The following PKHD1 variants were observed in gnomAD, a reference collection of about 807,000 sequenced individuals.
The protein encoded by PKHD1 is fibrocystin.
In PKHD1, 291 loss-of-function variants were observed where a neutral mutation model predicts 412.0. The observed-to-expected ratio is 0.71, with a 90% CI of 0.64 to 0.78. The LOEUF is 0.78. Ranked by LOEUF, PKHD1 falls within the 30% of genes least tolerant of loss-of-function variation. PKHD1 has a pLI of 0.00. For missense variants in PKHD1, 4,825 were observed against 4,950.7 expected (o/e 0.97, Z 0.76); for synonymous variants, 1,777 against 1,821.5 (o/e 0.98, Z 0.62).
chr6:51,728,691 G>A (rs899771639), intron 60 of PKHD1, among the ~76,000 whole-genome samples: 1 of 152,200 alleles, frequency 6.6e-6, no homozygotes, highest in African/African-American at 2.4e-5. Context: ...ATCTGAAGCA[G>A]AGAAAATAGC....
chr6:51,905,081 A>C (rs1009539865), intron 41 of PKHD1, among the ~76,000 whole-genome samples: 6 of 152,208 alleles, frequency 3.9e-5, no homozygotes, highest in African/African-American at 1.4e-4. Flanking sequence ...TATAGCTTTT[A>C]TCTCAACAGA....
Position 52,050,231 on chromosome 6 carries a change from C to T in PKHD1, c.2205G>A (p.Val735=), listed in dbSNP as rs368992678. ...TGACACTGTAGACCGGAGGGGATCCCACCACAGAGACTGATTCCACCAGAT... is the reference window on the plus strand; with the variant it reads ...TGACACTGTAGACCGGAGGGGATCCTACCACAGAGACTGATTCCACCAGAT... ...GGNLVESVSV[V]GSPPVYSVTS... The change falls in exon 22 of 67, where the codon GTG becomes GTA. Residue 735 remains valine (V), a synonymous_variant. Coordinates refer to ENST00000371117, the MANE Select transcript of PKHD1 (RefSeq NM_138694.4). 1.9e-6 allele frequency: 3 copies of T among 1,614,176 alleles called. No individual in the cohort carries two copies. The highest frequency in any genetic ancestry group is 1.7e-6 in the Non-Finnish European group (2 of 1,179,994).
At chr6:51,764,897 T>C in intron 55 of PKHD1, among the ~76,000 whole-genome samples, 1 of 152,036 alleles carries the variant, frequency 6.6e-6, no homozygotes, top group East Asian at 1.9e-4. Flanking sequence ...ATCTAAAAAG[T>C]TAGAATGCCC....
intron 52 of PKHD1, among the ~76,000 whole-genome samples, chr6:51,798,477 T>C (rs1794932351): frequency 6.6e-6 from 1 of 152,220 alleles, no homozygotes; most frequent in Non-Finnish European, 1.5e-5. Flanking sequence ...CTTACAGTGC[T>C]TCCATTAAGA....
At chr6:51,965,181 G>T (rs181792350) in intron 35 of PKHD1, among the ~76,000 whole-genome samples, 9 of 152,120 alleles carry the variant, frequency 5.9e-5, no homozygotes, top group South Asian at 2.1e-4. Flanking sequence ...TGTTCTTAAG[G>T]TACTTATATT....
At chr6:52,007,725 TC>T (rs1371018229) in intron 35 of PKHD1, among the ~76,000 whole-genome samples, 2 of 152,174 alleles carry the variant, frequency 1.3e-5, no homozygotes, top group Non-Finnish European at 2.9e-5. Context: ...AGTTCCTAAA[TC>T]AAACCAAACC....
rs957436564 is a variant in PKHD1 at position 51,724,478 on chromosome 6, G to A, written c.10156+19907C>T. The stretch of plus-strand genomic sequence containing the variant: ...ACACACATTAATAAATTTGCATGCC[G>A]TTTGTCCTGTTGATCTATTTATTGT... On this transcript the variant is annotated intron_variant, in intron 60 of 66. Coordinates refer to ENST00000371117, the MANE Select transcript of PKHD1 (RefSeq NM_138694.4). 9.9e-5 allele frequency among the ~76,000 whole-genome samples: 15 copies of A among 152,172 alleles called. No individual in the cohort carries two copies. The South Asian group carries it at 1.5e-3, about 15-fold the overall frequency.
At position 51,627,045 on chromosome 6, in the gene PKHD1, G is replaced by A. The variant is rs151198392; in HGVS notation, c.11737C>T (p.Arg3913Cys). The change falls in exon 66 of 67, where the codon CGC (arginine) becomes TGC (cysteine). Residue 3913 changes from arginine (R) to cysteine (C), a missense_variant. By Grantham distance (180) the Arg-to-Cys change is radical. Coordinates refer to ENST00000371117, the MANE Select transcript of PKHD1 (RefSeq NM_138694.4). ...QNIHIHISSKRRESQGPKKED... is the reference protein window; with the variant it reads ...QNIHIHISSKCRESQGPKKED... ...TTTTTGGGCCCTTGTGATTCTCGGC[G>A]TTTGGATGAGATGTGGATATGAATA... The A allele has an allele frequency of 8.2e-5, 132 of 1,612,440 alleles. No homozygotes were observed. Among genetic ancestry groups the A allele is most frequent in the African/African-American group, 4.8e-4 (36 of 74,938 alleles).
chr6:52,025,957 TTGG>T lies in PKHD1; in HGVS notation c.3850_3852del (p.Pro1284del). The T allele has an allele frequency of 6.2e-7, 1 of 1,614,106 alleles. No homozygotes were observed. Among genetic ancestry groups the T allele is most frequent in the Non-Finnish European group, 8.5e-7 (1 of 1,180,030 alleles). On this transcript the variant is annotated inframe_deletion, in exon 32 of 67. Coordinates refer to ENST00000371117, the MANE Select transcript of PKHD1 (RefSeq NM_138694.4). Reference sequence around the variant, plus strand: ...AAGGTGAAGCCTTTCCCCACCAAGCTTGGTGAAGGACCACGGGCGAAGAACCTG... The same window carrying T: ...AAGGTGAAGCCTTTCCCCACCAAGCTTGAAGGACCACGGGCGAAGAACCTG...
At chr6:51,810,476 T>C (rs1178994628) in intron 52 of PKHD1, among the ~76,000 whole-genome samples, 1 of 152,206 alleles carries the variant, frequency 6.6e-6, no homozygotes, top group Non-Finnish European at 1.5e-5. Context: ...AGAGAAATTT[T>C]ACCCTCAGTA....
At position 51,627,046 on chromosome 6, in the gene PKHD1, T is replaced by C. The variant is rs1054125763; in HGVS notation, c.11736A>G (p.Lys3912=). 5.6e-6 allele frequency: 9 copies of C among 1,612,522 alleles called. No individual in the cohort carries two copies. In the African/African-American group the frequency reaches 9.4e-5, roughly 17 times the overall value. Reference sequence around the variant, plus strand: ...TTTTGGGCCCTTGTGATTCTCGGCGTTTGGATGAGATGTGGATATGAATAT... The same window carrying C: ...TTTTGGGCCCTTGTGATTCTCGGCGCTTGGATGAGATGTGGATATGAATAT... The part of the protein sequence containing the change: ...NQNIHIHISS[K]RRESQGPKKE... Residue 3912 remains lysine (K), a synonymous_variant, in exon 66 of 67, where the codon AAA becomes AAG. Coordinates refer to ENST00000371117, the MANE Select transcript of PKHD1 (RefSeq NM_138694.4).
At chr6:52,061,708 A>G (rs1232570687) in intron 14 of PKHD1, among the ~76,000 whole-genome samples, 1 of 151,964 alleles carries the variant, frequency 6.6e-6, no homozygotes, top group Non-Finnish European at 1.5e-5. Context: ...AACCTAATAA[A>G]ATGGTAAAAT....
intron 52 of PKHD1, among the ~76,000 whole-genome samples, chr6:51,813,636 G>A (rs769436441): frequency 1.6e-4 from 24 of 152,188 alleles, no homozygotes; most frequent in Admixed American, 5.9e-4. Flanking sequence ...GAAAAAGTAA[G>A]TGCAGTGCTT....
At chr6:51,662,258 C>T (rs1456864206) in intron 60 of PKHD1, among the ~76,000 whole-genome samples, 1 of 151,738 alleles carries the variant, frequency 6.6e-6, no homozygotes, top group Non-Finnish European at 1.5e-5. Context: ...ATACAATGGA[C>T]AGCATGGTGA....
At chr6:52,055,758 G>A (rs1269679504) in intron 18 of PKHD1, 29 bp from the exon 19 acceptor site, 1 of 1,611,840 alleles carries the variant, frequency 6.2e-7, no homozygotes, top group Non-Finnish European at 8.5e-7. Context: ...AAATAGAAAG[G>A]CAGGCATAGA....
intron 10 of PKHD1, 44 bp from the exon 11 acceptor site, chr6:52,069,571 G>T: frequency 6.7e-7 from 1 of 1,481,654 alleles, no homozygotes; most frequent in Non-Finnish European, 9.4e-7. Context: ...AATATCAACT[G>T]GGATTGCATT....
chr6:51,999,703 TC>T (rs1159815102), intron 35 of PKHD1, among the ~76,000 whole-genome samples: 9 of 152,194 alleles, frequency 5.9e-5, no homozygotes, highest in Admixed American at 4.6e-4. Context: ...CTTTTGTATC[TC>T]AAGGCTGAGA....
rs199941159 is a variant in PKHD1, at chr6:52,055,627, G to A, written c.1796C>T (p.Pro599Leu). 4.5e-5 allele frequency: 73 copies of A among 1,613,772 alleles called. No homozygotes were observed. Among genetic ancestry groups the A allele is most frequent in the Middle Eastern group, 1.6e-4 (1 of 6,080 alleles). ...RQPRHLVLTPPAAQKGYRLDQ... is the reference protein window; with the variant it reads ...RQPRHLVLTPLAAQKGYRLDQ... ...TAGCCGATAGCCCTTCTGGGCAGCC[G>A]GGGGAGTAAGGACAAGGTGTCGAGG... is the stretch of plus-strand genomic sequence containing the variant. The change falls in exon 19 of 67, where the codon CCG (proline) becomes CTG (leucine). Residue 599 changes from proline to leucine, a missense_variant. Physicochemically the swap from Pro to Leu is moderately conservative, Grantham distance 98. Coordinates refer to ENST00000371117, the MANE Select transcript of PKHD1 (RefSeq NM_138694.4).
intron 40 of PKHD1, among the ~76,000 whole-genome samples, chr6:51,908,995 T>C (rs949481188): frequency 1.3e-5 from 2 of 152,150 alleles, no homozygotes; most frequent in Non-Finnish European, 2.9e-5. Flanking sequence ...CTGGACTCCT[T>C]GGACTGCCTG....
Sources: allele counts gnomAD v4.1 joint callset (sites outside exome capture counted in the v4.1 genomes callset), GRCh38; gene constraint gnomAD v4.1.1; transcripts MANE v1.5; gene names NCBI Gene and HGNC (gene_info 2026-07-23, HGNC 2026-07-21).